Variants in SMIM20 observed in about 807,000 individuals in gnomAD.
The protein encoded by SMIM20 is mitochondrial translation regulation assembly intermediate of cytochrome c oxidase protein of 7 kDa.
In SMIM20, 3 loss-of-function variants were observed where a neutral mutation model predicts 8.7. That is an observed-to-expected ratio of 0.34 (90% CI 0.16 to 0.89). The LOEUF (loss-of-function observed/expected upper bound fraction) is 0.89. Among genes scored for constraint, SMIM20 ranks in the 40% least tolerant of loss-of-function variants. The pLI, the probability that SMIM20 is intolerant of heterozygous loss-of-function variation, is 0.49. For synonymous variants in SMIM20, 44 were observed against 33.6 expected (o/e 1.31, Z -1.07); for missense variants, 85 against 84.8 (o/e 1.00, Z -0.01).
chr4:25,917,633 G>A (rs1179707579), intron 1 of SMIM20, among the ~76,000 whole-genome samples: 1 of 152,168 alleles, frequency 6.6e-6, no homozygotes, highest in Non-Finnish European at 1.5e-5. Flanking sequence ...ATCGCTGGGT[G>A]CCTGGCACTG....
At chr4:25,924,428 C>T (rs1047094300) in intron 1 of SMIM20, among the ~76,000 whole-genome samples, 2 of 152,058 alleles carry the variant, frequency 1.3e-5, no homozygotes, top group African/African-American at 2.4e-5. Flanking sequence ...GCCGAGATCA[C>T]GCCACTGTAC....
At chr4:25,927,505 G>A (rs1474937368) in intron 1 of SMIM20, among the ~76,000 whole-genome samples, 9 of 152,196 alleles carry the variant, frequency 5.9e-5, no homozygotes, top group East Asian at 1.9e-4. Flanking sequence ...ACAAAGGTCC[G>A]ATTATGACAT....
At chr4:25,927,088 A>G (rs973463526) in intron 1 of SMIM20, among the ~76,000 whole-genome samples, 2 of 152,240 alleles carry the variant, frequency 1.3e-5, no homozygotes, top group Non-Finnish European at 2.9e-5. Context: ...ATCTTTTGAT[A>G]TATCTTGAGA....
intron 1 of SMIM20, among the ~76,000 whole-genome samples, chr4:25,918,283 T>G (rs1484324891): frequency 6.6e-6 from 1 of 152,106 alleles, no homozygotes; most frequent in African/African-American, 2.4e-5. Flanking sequence ...CTTGGAATGG[T>G]GGCTGTTCTC....
intron 1 of SMIM20, among the ~76,000 whole-genome samples, chr4:25,915,784 C>A (rs2109361599): frequency 7.2e-6 from 1 of 138,132 alleles, no homozygotes; most frequent in Non-Finnish European, 1.5e-5. Flanking sequence ...TGGTTCTCAT[C>A]TAGGGGTGAT....
At chr4:25,918,863 C>T (rs1437965984) in intron 1 of SMIM20, among the ~76,000 whole-genome samples, 5 of 150,444 alleles carry the variant, frequency 3.3e-5, no homozygotes, top group Non-Finnish European at 5.9e-5. Context: ...TCCTTATACA[C>T]GCAGACTTTG....
Position 25,914,319 on chromosome 4 carries a change from C to T in SMIM20, c.6C>T (p.Ser2=), listed in dbSNP as rs1290696304. 1.9e-6 allele frequency: 3 copies of T among 1,550,196 alleles called. No individual in the cohort carries two copies. The highest frequency in any genetic ancestry group is 2.7e-5 in the African/African-American group (2 of 73,048). The change falls in exon 1 of 3, where the codon TCC becomes TCT. Residue 2 remains serine, a synonymous_variant. Coordinates refer to ENST00000506197, the MANE Select transcript of SMIM20 (RefSeq NM_001145432.3). The stretch of plus-strand genomic sequence containing the variant: ...GCAGCCCGGGGCCTGACGCCATGTC[C>T]CGGAACCTGCGCACCGCGCTCATTT... The part of the protein sequence containing the change: M[S]RNLRTALIFG...
chr4:25,920,647 G>A (rs55903317), intron 1 of SMIM20, among the ~76,000 whole-genome samples: 10,819 of 152,248 alleles, frequency 0.071, 587 homozygotes, highest in Non-Finnish European at 0.11. Flanking sequence ...CTGTAGTAGT[G>A]TACAGTAATG....
Position 25,925,276 on chromosome 4 carries a change from G to A in SMIM20, c.110-3037G>A, listed in dbSNP as rs192870351. The stretch of plus-strand genomic sequence containing the variant: ...TTTTGAGACAGAGTTTTGCTCTTGC[G>A]CCCAGGCTCGAGTGCAGTGGCATGA... On this transcript the variant is annotated intron_variant, in intron 1 of 2. Coordinates refer to ENST00000506197, the MANE Select transcript of SMIM20 (RefSeq NM_001145432.3). Among the ~76,000 whole-genome samples the A allele has an allele frequency of 7.1e-4, 108 of 151,828 alleles. No individual in the cohort carries two copies. In the Middle Eastern group the frequency reaches 0.01, roughly 14 times the overall value.
At chr4:25,916,654 C>T (rs1462600357) in intron 1 of SMIM20, among the ~76,000 whole-genome samples, 1 of 152,196 alleles carries the variant, frequency 6.6e-6, no homozygotes, top group Non-Finnish European at 1.5e-5. Flanking sequence ...CTCCCAGGTT[C>T]AAGTGATTCT....
At chr4:25,916,403 G>A (rs1719092924) in intron 1 of SMIM20, among the ~76,000 whole-genome samples, 1 of 151,884 alleles carries the variant, frequency 6.6e-6, no homozygotes, top group Admixed American at 6.6e-5. Flanking sequence ...GTAGAGACAG[G>A]GTTTCACCAT....
At chr4:25,921,253 G>T (rs1719196974) in intron 1 of SMIM20, among the ~76,000 whole-genome samples, 1 of 152,158 alleles carries the variant, frequency 6.6e-6, no homozygotes, top group Non-Finnish European at 1.5e-5. Context: ...GAAGCAAACT[G>T]GTGGGCATGG....
intron 1 of SMIM20, among the ~76,000 whole-genome samples, chr4:25,923,233 G>A (rs1319871616): frequency 6.6e-6 from 1 of 152,184 alleles, no homozygotes; most frequent in Admixed American, 6.5e-5. Flanking sequence ...GGTCTGAAGA[G>A]GCCACAGTTA....
chr4:25,925,325 C>G (rs1560388339), intron 1 of SMIM20, among the ~76,000 whole-genome samples: 1 of 152,094 alleles, frequency 6.6e-6, no homozygotes, highest in Non-Finnish European at 1.5e-5. Flanking sequence ...CAACCTCTGA[C>G]CCCCAGGTTC....
At chr4:25,925,438 C>T (rs1269249475) in intron 1 of SMIM20, among the ~76,000 whole-genome samples, 1 of 151,850 alleles carries the variant, frequency 6.6e-6, no homozygotes, top group Non-Finnish European at 1.5e-5. Flanking sequence ...GGTTTCGTCA[C>T]GTTGGCCAGG....
chr4:25,925,597 C>CCAG (rs1719277821), intron 1 of SMIM20, among the ~76,000 whole-genome samples: 4 of 152,126 alleles, frequency 2.6e-5, no homozygotes, highest in Non-Finnish European at 4.4e-5. Flanking sequence ...CAAGGTCATA[C>CCAG]CTTGCACCAG....
intron 1 of SMIM20, among the ~76,000 whole-genome samples, chr4:25,919,094 C>T (rs1279648658): frequency 4.1e-5 from 6 of 148,078 alleles, no homozygotes; most frequent in South Asian, 2.2e-4. Context: ...TTAGTAGAGA[C>T]GGGGTTTCAC....
intron 1 of SMIM20, among the ~76,000 whole-genome samples, chr4:25,915,853 A>AG (rs1719078032): frequency 2.0e-4 from 2 of 10,188 alleles, no homozygotes; most frequent in Non-Finnish European, 1.9e-4. Flanking sequence ...ACAACTTGGG[A>AG]TGGGGCGGGG....
intron 1 of SMIM20, among the ~76,000 whole-genome samples, chr4:25,921,302 C>T (rs761793470): frequency 1.3e-5 from 2 of 152,010 alleles, no homozygotes; most frequent in African/African-American, 4.8e-5. Flanking sequence ...GGGAAGCTGA[C>T]GCAGGAGGAT....
Sources: gnomAD v4.1 joint callset for allele counts (sites outside exome capture counted in the v4.1 genomes callset) on GRCh38, gnomAD v4.1.1 for gene constraint, MANE v1.5 for transcripts, NCBI Gene and HGNC (gene_info 2026-07-23, HGNC 2026-07-21) for gene names.